RBP7: variants seen among roughly 807,000 people sequenced by gnomAD.
The protein encoded by RBP7 is retinoid-binding protein 7.
Under a neutral mutation model 16.7 loss-of-function variants are expected in RBP7, and 13 were observed. The observed-to-expected ratio is 0.78, with a 90% CI of 0.51 to 1.24. The LOEUF is 1.24. Ranked by LOEUF, RBP7 falls within the 50% of genes most tolerant of loss-of-function variation. The pLI is 0.00. For missense variants in RBP7, 145 were observed against 159.5 expected (o/e 0.91, Z 0.49); for synonymous variants, 54 against 56.2 (o/e 0.96, Z 0.17).
chr1:10,006,762 T>TAGAG (rs558347217), intron 1 of RBP7, among the ~76,000 whole-genome samples: 27 of 146,522 alleles, frequency 1.8e-4, no homozygotes, highest in African/African-American at 3.1e-4. Flanking sequence ...TATATATATA[T>TAGAG]ATAGAGAGAG....
At chr1:10,008,834 C>T (rs1641141303) in intron 3 of RBP7, among the ~76,000 whole-genome samples, 2 of 151,992 alleles carry the variant, frequency 1.3e-5, no homozygotes, top group South Asian at 2.1e-4. Context: ...CCGAATATTC[C>T]GACAGAGGCA....
chr1:10,002,665 A>T (rs1392735903), intron 1 of RBP7, among the ~76,000 whole-genome samples: 2 of 151,606 alleles, frequency 1.3e-5, no homozygotes, highest in African/African-American at 4.8e-5. Flanking sequence ...ATGCCCAGCT[A>T]ATTTTTATTT....
chr1:9,999,114 C>T (rs180728007), intron 1 of RBP7, among the ~76,000 whole-genome samples: 2 of 152,276 alleles, frequency 1.3e-5, no homozygotes, highest in Admixed American at 6.5e-5. Flanking sequence ...GATGGTTTTA[C>T]AAGGGGTTTC....
rs774378527 is a variant in RBP7, at chr1:10,008,291, G to C, written c.354+17G>C. ...CTCCACCTGGTATCCACCACATTTT[G>C]TTCTTAATGAGATGATACAGTATTA... On this transcript the variant is annotated intron_variant, in intron 3 of 3. Transcript: ENST00000294435. 9 of 1,508,206 alleles carry C rather than the reference G, an allele frequency of 6.0e-6. No homozygotes were observed. Among genetic ancestry groups the C allele is most frequent in the Non-Finnish European group, 1.8e-6 (2 of 1,084,284 alleles). The allele number at this position is 1,508,206 out of a possible 1,614,324, so 93.4% of individuals were successfully genotyped here.
At chr1:10,009,080 C>T (rs766508770) in intron 3 of RBP7, among the ~76,000 whole-genome samples, 29 of 152,050 alleles carry the variant, frequency 1.9e-4, no homozygotes, top group Non-Finnish European at 4.1e-4. Flanking sequence ...TTGAAATTCC[C>T]CAAGGCTGCT....
chr1:9,999,420 C>T (rs979114895), intron 1 of RBP7, among the ~76,000 whole-genome samples: 3 of 151,970 alleles, frequency 2.0e-5, no homozygotes, highest in Non-Finnish European at 4.4e-5. Flanking sequence ...GGCATGGTGG[C>T]GGGCGCCTGT....
At chr1:10,012,717 T>A (rs1405790965) in intron 3 of RBP7, among the ~76,000 whole-genome samples, 1 of 151,754 alleles carries the variant, frequency 6.6e-6, no homozygotes, top group African/African-American at 2.4e-5. Context: ...GTGGATCACC[T>A]GAGGTCAGGA....
At position 9,997,451 on chromosome 1, in the gene RBP7, C is replaced by A; in HGVS notation, c.73+120C>A. 1.1e-6 allele frequency: 1 copy of A among 925,344 alleles called. No individual in the cohort carries two copies. Among genetic ancestry groups the A allele is most frequent in the Non-Finnish European group, 1.6e-6 (1 of 611,944 alleles). 57.3% of individuals were successfully genotyped at this position (925,344 alleles called of 1,614,324 possible). A position where few individuals can be genotyped will look rare whatever the true frequency, so the allele number is the denominator to read the frequency against. On this transcript the variant is annotated intron_variant, in intron 1 of 3. Transcript: ENST00000294435. The surrounding 1 kb of genome is among the most constrained non-coding windows in gnomAD (Gnocchi z 5.9). The stretch of plus-strand genomic sequence containing the variant: ...GTCCGTGCCTCCGCCCTGCTGCGCC[C>A]ACCGTCGCCCAGTCGCCCCCGAGTC...
At chr1:10,014,868 G>C (rs527635030) in intron 3 of RBP7, among the ~76,000 whole-genome samples, 2 of 152,242 alleles carry the variant, frequency 1.3e-5, no homozygotes, top group South Asian at 4.1e-4. Context: ...GTCTGAAGCT[G>C]GGGGGAGTCT....
Position 9,997,355 on chromosome 1 carries a change from C to T in RBP7, c.73+24C>T. On this transcript the variant is annotated intron_variant, in intron 1 of 3. Transcript: ENST00000294435. The surrounding 1 kb of genome is among the most constrained non-coding windows in gnomAD (Gnocchi z 5.9). The stretch of plus-strand genomic sequence containing the variant: ...AGGTAAGGCGGAGGGGAGGCGGCGG[C>T]GGCGCGAGGCTCGCCGTGGGTCTCG... The T allele has an allele frequency of 6.2e-7, 1 of 1,605,294 alleles. No homozygotes were observed. Among genetic ancestry groups the T allele is most frequent in the African/African-American group, 1.3e-5 (1 of 74,208 alleles).
chr1:10,009,097 A>G (rs532366079), intron 3 of RBP7, among the ~76,000 whole-genome samples: 1 of 152,286 alleles, frequency 6.6e-6, no homozygotes, highest in Admixed American at 6.5e-5. Flanking sequence ...TGCTGTCAGA[A>G]GCATCAGAAT....
intron 1 of RBP7, among the ~76,000 whole-genome samples, chr1:10,002,093 G>A (rs1642294739): frequency 6.6e-6 from 1 of 152,144 alleles, no homozygotes; most frequent in Non-Finnish European, 1.5e-5. Context: ...CTCCTAAAGT[G>A]CTGGGATTAC....
chr1:10,000,600 T>C (rs544815881), intron 1 of RBP7, among the ~76,000 whole-genome samples: 1 of 152,278 alleles, frequency 6.6e-6, no homozygotes, highest in African/African-American at 2.4e-5. Context: ...ACTGATTTAC[T>C]TGAATATATA....
intron 1 of RBP7, among the ~76,000 whole-genome samples, chr1:10,003,304 T>C (rs1046652213): frequency 6.6e-6 from 1 of 152,144 alleles, no homozygotes; most frequent in East Asian, 1.9e-4. Context: ...TGGGCACCTG[T>C]AGTCTCAGCT....
intron 1 of RBP7, among the ~76,000 whole-genome samples, chr1:10,004,490 C>T (rs986412669): frequency 6.6e-6 from 1 of 150,656 alleles, no homozygotes; most frequent in Non-Finnish European, 1.5e-5. Flanking sequence ...ACTCTCCTGC[C>T]TCAGCCTCTG....
chr1:10,008,677 G>A (rs1328346627), intron 3 of RBP7, among the ~76,000 whole-genome samples: 1 of 151,452 alleles, frequency 6.6e-6, no homozygotes, highest in African/African-American at 2.4e-5. Flanking sequence ...TTGACCTCAT[G>A]ATCCACCCGC....
intron 1 of RBP7, chr1:10,004,061 C>A: frequency 7.6e-6 from 1 of 132,336 alleles, no homozygotes; most frequent in African/African-American, 3.1e-5. Context: ...TGGCCTGCCT[C>A]ACAATTTTTT....
chr1:10,007,536 G>A (rs761291416), intron 1 of RBP7, 34 bp from the exon 2 acceptor site: 28 of 1,451,090 alleles, frequency 1.9e-5, no homozygotes, highest in South Asian at 6.5e-5. Context: ...TATCTCAAGC[G>A]AATGTTCAAA....
chr1:10,000,970 G>C (rs867813859), intron 1 of RBP7, among the ~76,000 whole-genome samples: 1 of 151,926 alleles, frequency 6.6e-6, no homozygotes, highest in African/African-American at 2.4e-5. Context: ...TCCTGACCTC[G>C]TGATCCACCC....
Sources: allele counts gnomAD v4.1 joint callset (sites outside exome capture counted in the v4.1 genomes callset), GRCh38; gene constraint gnomAD v4.1.1; non-coding constraint Gnocchi (gnomAD v3.1); transcripts MANE v1.5; gene names NCBI Gene and HGNC (gene_info 2026-07-23, HGNC 2026-07-21).